The following KALRN variants were observed in gnomAD, a reference collection of about 807,000 sequenced individuals.
KALRN encodes the protein kalirin RhoGEF kinase, also known as kalirin.
KALRN carries 70 observed loss-of-function variants against 353.7 expected under a neutral mutation model. That is an observed-to-expected ratio of 0.20 (90% CI 0.16 to 0.24). The LOEUF is 0.24. Among genes scored for constraint, KALRN ranks in the 10% least tolerant of loss-of-function variants. KALRN has a pLI of 1.00. For synonymous variants in KALRN, 1,391 were observed against 1,434.8 expected, an observed-to-expected ratio of 0.97 and a Z score of 0.69; for missense variants, 2,791 against 3,756.7, an observed-to-expected ratio of 0.74 and a Z score of 6.72.
intron 26 of KALRN, 97 bp from the exon 27 acceptor site, chr3:124,477,148 G>A: frequency 1.3e-6 from 1 of 763,490 alleles, no homozygotes. Context: ...GGTGTCTGAG[G>A]GTCTTAACTG....
At chr3:124,456,284 G>C (rs2059300880) in intron 22 of KALRN, among the ~76,000 whole-genome samples, 1 of 152,164 alleles carries the variant, frequency 6.6e-6, no homozygotes, top group Non-Finnish European at 1.5e-5. Context: ...ATCAGTCTTA[G>C]ACTAATTTAC....
In KALRN at chr3:124,553,293, ATTAAC is replaced by A. The variant is rs1369526893; in HGVS notation, c.4936-9547_4936-9543del. Among the ~76,000 whole-genome samples, 16 of 152,360 alleles carry A rather than the reference ATTAAC, an allele frequency of 1.1e-4. No individual in the cohort carries two copies. In the East Asian group the frequency reaches 3.1e-3, roughly 29 times the overall value. On this transcript the variant is annotated intron_variant, in intron 33 of 59. Transcript: ENST00000682506. ...AGGAAAATGAGCCAAAGAGAGACTAATTAACTTGCTCCAGATGATACAGATAGTAG... is the reference window on the plus strand; with the variant it reads ...AGGAAAATGAGCCAAAGAGAGACTAATTGCTCCAGATGATACAGATAGTAG...
rs1238023988 is a variant in KALRN at position 124,137,512 on chromosome 3, A to G, written c.74-90478A>G. Among the ~76,000 whole-genome samples the G allele has an allele frequency of 3.3e-5, 5 of 152,096 alleles. No homozygotes were observed. In the East Asian group the frequency reaches 9.6e-4, roughly 29 times the overall value. ...GCAGAGGATGTAAGGATGTGGTTGA[A>G]AAGGGGAAATGAATGAATGCCACCT... On this transcript the variant is annotated intron_variant, in intron 1 of 59. Coordinates refer to ENST00000682506, the MANE Select transcript of KALRN (RefSeq NM_001388419.1).
At chr3:124,463,318 T>C (rs962988659) in intron 25 of KALRN, among the ~76,000 whole-genome samples, 3 of 152,184 alleles carry the variant, frequency 2.0e-5, no homozygotes, top group Admixed American at 6.5e-5. Flanking sequence ...AAGAAGAACA[T>C]GGGCATAAAG....
At chr3:124,623,706 C>G (rs1464063377) in intron 34 of KALRN, among the ~76,000 whole-genome samples, 1 of 152,166 alleles carries the variant, frequency 6.6e-6, no homozygotes, top group Non-Finnish European at 1.5e-5. Flanking sequence ...CCCCAGCCCA[C>G]TGACTCAAAT....
intron 5 of KALRN, among the ~76,000 whole-genome samples, chr3:124,274,427 G>C (rs1337593253): frequency 6.6e-6 from 1 of 152,214 alleles, no homozygotes; most frequent in East Asian, 1.9e-4. Context: ...AACTGATTGA[G>C]AAATCTTTAT....
At chr3:124,296,907 C>T (rs1284152373) in intron 5 of KALRN, among the ~76,000 whole-genome samples, 2 of 152,250 alleles carry the variant, frequency 1.3e-5, no homozygotes, top group African/African-American at 4.8e-5. Flanking sequence ...CCCCATCTCA[C>T]TCCTCAAGGA....
At position 124,724,961 on chromosome 3, in the gene KALRN, T is replaced by C. The variant is rs933036968; in HGVS notation, c.*5491T>C. 1.6e-4 allele frequency: 24 copies of C among 152,212 alleles called. No homozygotes were observed. Among genetic ancestry groups the C allele is most frequent in the Non-Finnish European group, 3.1e-4 (21 of 68,038 alleles). The allele number at this position is 152,212 out of a possible 1,614,324, so 9.4% of individuals were successfully genotyped here. On this transcript the variant is annotated 3_prime_UTR_variant, in exon 60 of 60. Coordinates refer to ENST00000682506, the MANE Select transcript of KALRN (RefSeq NM_001388419.1). Reference sequence around the variant, plus strand: ...TTAGTTTTTATTCAAATGATCAAGATAACGCATTAGTTAGATAACTGCTAT... The same window carrying C: ...TTAGTTTTTATTCAAATGATCAAGACAACGCATTAGTTAGATAACTGCTAT...
At position 124,458,073 on chromosome 3, in the gene KALRN, C is replaced by G. The variant is rs372818901; in HGVS notation, c.3854+1345C>G. 4.6e-5 allele frequency among the ~76,000 whole-genome samples: 7 copies of G among 152,090 alleles called. 1 individual carries two copies. In the South Asian group the frequency reaches 8.3e-4, roughly 18 times the overall value. On this transcript the variant is annotated intron_variant, in intron 23 of 59. Coordinates refer to ENST00000682506, the MANE Select transcript of KALRN (RefSeq NM_001388419.1). ...GTTGGATTACCTGAGGTCAGGAGTT[C>G]GAGACCGGCCTGGCCAACATGGTGA...
chr3:124,441,385 G>A (rs2093660527), intron 18 of KALRN, among the ~76,000 whole-genome samples: 1 of 152,154 alleles, frequency 6.6e-6, no homozygotes, highest in Non-Finnish European at 1.5e-5. Flanking sequence ...AATGGGCAGA[G>A]ACACAAGGAG....
intron 3 of KALRN, among the ~76,000 whole-genome samples, chr3:124,243,448 G>A (rs1247132154): frequency 6.6e-6 from 1 of 152,182 alleles, no homozygotes; most frequent in African/African-American, 2.4e-5. Flanking sequence ...AAGCAGCCCT[G>A]GTTATTCCAG....
At chr3:124,503,678 C>T (rs977105368) in intron 33 of KALRN, among the ~76,000 whole-genome samples, 2 of 152,152 alleles carry the variant, frequency 1.3e-5, no homozygotes, top group African/African-American at 4.8e-5. Context: ...CAACTCCATC[C>T]TCTCCTCAGA....
At chr3:124,560,199 T>C (rs549240910) in intron 33 of KALRN, among the ~76,000 whole-genome samples, 1 of 152,362 alleles carries the variant, frequency 6.6e-6, no homozygotes, top group East Asian at 1.9e-4. Context: ...CAACTAGAGC[T>C]TCAGGCCCCT....
In KALRN at chr3:124,657,568, C is replaced by A; in HGVS notation, c.5966+17C>A. The A allele has an allele frequency of 6.3e-7, 1 of 1,581,352 alleles. No homozygotes were observed. The highest frequency in any genetic ancestry group is 8.7e-7 in the Non-Finnish European group (1 of 1,150,254). On this transcript the variant is annotated intron_variant, in intron 40 of 59. Transcript: ENST00000682506. ...GCATAAGGAGTAAGTGTTAATGCTG[C>A]CCCGAGGATCCAGTGTCCTGGGAAT...
At chr3:124,500,778 T>C (rs1220529310) in intron 33 of KALRN, among the ~76,000 whole-genome samples, 2 of 152,214 alleles carry the variant, frequency 1.3e-5, no homozygotes, top group Non-Finnish European at 2.9e-5. Flanking sequence ...CCACCTTCCC[T>C]ATTCTGTCCA....
At chr3:124,412,250 GT>G (rs1201405676) in intron 13 of KALRN, among the ~76,000 whole-genome samples, 1 of 152,148 alleles carries the variant, frequency 6.6e-6, no homozygotes, top group Non-Finnish European at 1.5e-5. Context: ...TGGAGCAGCA[GT>G]TTTTGATAAC....
chr3:124,663,490 C>G, intron 45 of KALRN, among the ~76,000 whole-genome samples: 1 of 152,202 alleles, frequency 6.6e-6, no homozygotes, highest in East Asian at 1.9e-4. Context: ...CTAATTTAAA[C>G]TTAATAACTG....
intron 3 of KALRN, among the ~76,000 whole-genome samples, chr3:124,262,764 A>G (rs956097900): frequency 2.0e-5 from 3 of 152,080 alleles, no homozygotes; most frequent in Admixed American, 2.0e-4. Context: ...AAAGGTTTTT[A>G]TTTCTTTTTG....
intron 5 of KALRN, among the ~76,000 whole-genome samples, chr3:124,291,511 T>C (rs536184683): frequency 6.6e-6 from 1 of 152,322 alleles, no homozygotes; most frequent in South Asian, 2.1e-4. Context: ...AAGGGTTTTG[T>C]TAACCCTTTG....
Sources: allele counts gnomAD v4.1 joint callset (sites outside exome capture counted in the v4.1 genomes callset), GRCh38; gene constraint gnomAD v4.1.1; transcripts MANE v1.5; gene names NCBI Gene and HGNC (gene_info 2026-07-23, HGNC 2026-07-21).